RNF6: variants seen among roughly 807,000 people sequenced by gnomAD.
RNF6 encodes the protein ring finger protein 6, also known as E3 ubiquitin-protein ligase RNF6.
A neutral mutation model predicts 50.1 loss-of-function variants in RNF6; 21 were observed. The ratio of observed to expected loss-of-function variants is 0.42; its 90% confidence interval spans 0.30 to 0.60. The LOEUF is 0.60. Among genes scored for constraint, RNF6 ranks in the 20% least tolerant of loss-of-function variants. The probability of loss-of-function intolerance (pLI) is 0.20; values close to 1 mark genes in which losing one functional copy is unlikely to be tolerated. For missense variants in RNF6, 698 were observed against 838.2 expected, an observed-to-expected ratio of 0.83 and a Z score of 2.07; for synonymous variants, 255 against 291.8, an observed-to-expected ratio of 0.87 and a Z score of 1.29.
Position 26,213,197 on chromosome 13 carries a change from T to C in RNF6, c.*627A>G, listed in dbSNP as rs1234567581. On this transcript the variant is annotated 3_prime_UTR_variant, in exon 5 of 5. Coordinates refer to ENST00000381588, the MANE Select transcript of RNF6 (RefSeq NM_005977.4). The stretch of plus-strand genomic sequence containing the variant: ...TGAATCCCCTTTCTCTGAGATGAAC[T>C]TGCCAATATTAAACATTGTGCCATA... 3 of 152,630 alleles carry C rather than the reference T, an allele frequency of 2.0e-5. No homozygotes were observed. The highest frequency in any genetic ancestry group is 4.4e-5 in the Non-Finnish European group (3 of 68,018). 9.5% of individuals were successfully genotyped at this position (152,630 alleles called of 1,614,324 possible).
chr13:26,154,886 C>T (rs1391957013), intron 5 of RNF6, among the ~76,000 whole-genome samples: 1 of 151,832 alleles, frequency 6.6e-6, no homozygotes, highest in Non-Finnish European at 1.5e-5. Context: ...AAAAATTAGC[C>T]GGATGTGGTG....
At chr13:26,202,437 C>G (rs1868931855) in intron 5 of RNF6, among the ~76,000 whole-genome samples, 1 of 152,206 alleles carries the variant, frequency 6.6e-6, no homozygotes, top group African/African-American at 2.4e-5. Flanking sequence ...ATTCACATTA[C>G]TCTTTAAAAT....
intron 5 of RNF6, among the ~76,000 whole-genome samples, chr13:26,197,371 T>A (rs1190851454): frequency 6.6e-6 from 1 of 151,972 alleles, no homozygotes; most frequent in Non-Finnish European, 1.5e-5. Flanking sequence ...CTCAGGAGTG[T>A]CTTTCCCAAG....
intron 5 of RNF6, among the ~76,000 whole-genome samples, chr13:26,140,498 A>G (rs965106656): frequency 2.0e-5 from 3 of 152,206 alleles, no homozygotes; most frequent in Non-Finnish European, 4.4e-5. Context: ...AACATACCTC[A>G]AAATAATATG....
intron 3 of RNF6, among the ~76,000 whole-genome samples, chr13:26,218,906 C>A (rs1020164370): frequency 1.3e-5 from 2 of 152,108 alleles, no homozygotes; most frequent in Admixed American, 1.3e-4. Context: ...GGATTTTTGT[C>A]AGTTAAAAAG....
At chr13:26,139,260 C>T (rs573114820) in intron 5 of RNF6, among the ~76,000 whole-genome samples, 30 of 152,248 alleles carry the variant, frequency 2.0e-4, no homozygotes, top group Non-Finnish European at 3.2e-4. Context: ...TAGAGACCAC[C>T]GCCATAGCCC....
downstream of RNF6, among the ~76,000 whole-genome samples, chr13:26,210,919 T>C (rs562586507): frequency 2.4e-4 from 37 of 152,344 alleles, 1 homozygote; most frequent in Admixed American, 4.6e-4. Flanking sequence ...GCTGTAACTA[T>C]GTGAGAGGGC....
chr13:26,171,255 A>G (rs1175160902), intron 5 of RNF6, among the ~76,000 whole-genome samples: 2 of 152,222 alleles, frequency 1.3e-5, no homozygotes, highest in Non-Finnish European at 2.9e-5. Context: ...TCTCAAAAGC[A>G]TATATACAAA....
intron 5 of RNF6, among the ~76,000 whole-genome samples, chr13:26,157,728 T>G (rs1294749850): frequency 6.6e-6 from 1 of 152,120 alleles, no homozygotes; most frequent in Non-Finnish European, 1.5e-5. Context: ...CATGAAGAAA[T>G]GTGAATCCTC....
Position 26,177,000 on chromosome 13 carries a change from T to C in RNF6, n.768+38474A>G, listed in dbSNP as rs145483016. Reference sequence around the variant, plus strand: ...GAAGACAGAGACACAAAGTGGAGAATGCCAAATGATGACAGCAACAGATAT... The same window carrying C: ...GAAGACAGAGACACAAAGTGGAGAACGCCAAATGATGACAGCAACAGATAT... On this transcript the variant is annotated intron_variant and non_coding_transcript_variant, in intron 5 of 5. Transcript: ENST00000468480. Among the ~76,000 whole-genome samples the C allele has an allele frequency of 8.1e-3, 1,233 of 152,122 alleles. 63 individuals carry two copies. The highest frequency in any genetic ancestry group is 0.073 in the Admixed American group (1,109 of 15,274).
chr13:26,155,137 T>A (rs986873540), intron 5 of RNF6, among the ~76,000 whole-genome samples: 5 of 152,006 alleles, frequency 3.3e-5, no homozygotes, highest in African/African-American at 1.2e-4. Flanking sequence ...ATAGGTATTT[T>A]ATTATTAAAA....
intron 5 of RNF6, among the ~76,000 whole-genome samples, chr13:26,172,345 T>C (rs139781407): frequency 0.011 from 1,654 of 152,120 alleles, 18 homozygotes; most frequent in Non-Finnish European, 0.018. Context: ...AAGGTCTAAA[T>C]AGGAAAAGCA....
chr13:26,171,485 T>C (rs1263200354), intron 5 of RNF6, among the ~76,000 whole-genome samples: 1 of 152,200 alleles, frequency 6.6e-6, no homozygotes, highest in Non-Finnish European at 1.5e-5. Context: ...TAAAACAATA[T>C]GGTCATTCCT....
At chr13:26,181,395 G>C (rs1873236971) in intron 5 of RNF6, among the ~76,000 whole-genome samples, 1 of 152,214 alleles carries the variant, frequency 6.6e-6, no homozygotes, top group South Asian at 2.1e-4. Context: ...TAGTCACTCA[G>C]TTGGCATTCT....
Position 26,137,141 on chromosome 13 carries a change from G to T in RNF6, n.769-4690C>A, listed in dbSNP as rs367547834. On this transcript the variant is annotated intron_variant and non_coding_transcript_variant, in intron 5 of 5. Transcript: ENST00000468480. ...TTCTCTAGAAGACTTCCCCCTGAAAGCTTGTTTTTATTTAACCTCACTAAA... is the reference window on the plus strand; with the variant it reads ...TTCTCTAGAAGACTTCCCCCTGAAATCTTGTTTTTATTTAACCTCACTAAA... Among the ~76,000 whole-genome samples the T allele has an allele frequency of 1.1e-4, 17 of 152,210 alleles. No individual in the cohort carries two copies. In the East Asian group the frequency reaches 3.1e-3, roughly 28 times the overall value.
intron 5 of RNF6, among the ~76,000 whole-genome samples, chr13:26,140,690 A>G (rs1183000398): frequency 6.6e-6 from 1 of 152,204 alleles, no homozygotes; most frequent in African/African-American, 2.4e-5. Flanking sequence ...AGGAAGTCAA[A>G]TTATCTCTCA....
chr13:26,149,585 TAA>T (rs1232753544), intron 5 of RNF6, among the ~76,000 whole-genome samples: 3 of 141,036 alleles, frequency 2.1e-5, no homozygotes, highest in Admixed American at 7.2e-5. Context: ...AGACTCCGTC[TAA>T]AAAAAAAAAA....
chr13:26,214,388 C>T lies in RNF6; in HGVS notation c.1494G>A (p.Met498Ile). The T allele has an allele frequency of 6.2e-7, 1 of 1,614,130 alleles. No homozygotes were observed. Among genetic ancestry groups the T allele is most frequent in the Non-Finnish European group, 8.5e-7 (1 of 1,180,036 alleles). The change falls in exon 5 of 5, where the codon ATG (methionine) becomes ATA (isoleucine). Residue 498 changes from methionine to isoleucine, a missense_variant. By Grantham distance (10) the Met-to-Ile change is conservative (BLOSUM62 1). Transcript: ENST00000381588. ...GAAGTTCTGACTCAGAATCGGCCTCCATTAGAGAACTCAGTTCTCCAAACC... is the reference window on the plus strand; with the variant it reads ...GAAGTTCTGACTCAGAATCGGCCTCTATTAGAGAACTCAGTTCTCCAAACC... ...MTGFGELSSL[M>I]EADSESELQR...
intron 5 of RNF6, among the ~76,000 whole-genome samples, chr13:26,165,299 G>A (rs1452265292): frequency 2.6e-5 from 4 of 152,222 alleles, no homozygotes; most frequent in Non-Finnish European, 5.9e-5. Flanking sequence ...AGATTTCGGA[G>A]AATGTATGGA....
Sources: gnomAD v4.1 joint callset for allele counts (sites outside exome capture counted in the v4.1 genomes callset) on GRCh38, gnomAD v4.1.1 for gene constraint, MANE v1.5 for transcripts, NCBI Gene and HGNC (gene_info 2026-07-23, HGNC 2026-07-21) for gene names.